Variants in WDR49 observed in about 807,000 individuals in gnomAD.
WDR49 encodes WD repeat domain 49, also known as cilia- and flagella-associated protein 337.
In WDR49, 107 loss-of-function variants were observed where a neutral mutation model predicts 119.5. The ratio of observed to expected loss-of-function variants is 0.90; its 90% CI spans 0.77 to 1.05. The LOEUF (loss-of-function observed/expected upper bound fraction) is 1.05. Among genes scored for constraint, WDR49 ranks in the 50% least tolerant of loss-of-function variants. The pLI is 0.00. For synonymous variants in WDR49, 425 were observed against 418.8 expected (o/e 1.01, Z -0.18); for missense variants, 1,240 against 1,220.5 (o/e 1.02, Z -0.24).
chr3:167,618,687 C>A lies in WDR49; in HGVS notation c.958+1742G>T, dbSNP rs150769348. ...ATTCCTACTTTGCAGTGATTTAAGGCCAGACTGTGAAACTGTGAAATCGGA... is the reference window on the plus strand; with the variant it reads ...ATTCCTACTTTGCAGTGATTTAAGGACAGACTGTGAAACTGTGAAATCGGA... On this transcript the variant is annotated intron_variant, in intron 5 of 18. Coordinates refer to ENST00000682715, the MANE Select transcript of WDR49 (RefSeq NM_001366157.1). Among the ~76,000 whole-genome samples the A allele has an allele frequency of 2.3e-3, 347 of 152,214 alleles. 1 individual carries two copies. The highest frequency in any genetic ancestry group is 7.8e-3 in the African/African-American group (324 of 41,532).
At chr3:167,652,250 T>A (rs2108349983) in intron 2 of WDR49, among the ~76,000 whole-genome samples, 1 of 152,322 alleles carries the variant, frequency 6.6e-6, no homozygotes, top group East Asian at 1.9e-4. Context: ...GGACATTAAT[T>A]TATCAATACA....
At chr3:167,483,022 AGG>A (rs892758568) in intron 18 of WDR49, among the ~76,000 whole-genome samples, 9 of 152,190 alleles carry the variant, frequency 5.9e-5, no homozygotes, top group African/African-American at 2.2e-4. Context: ...GTGTGGTAGA[AGG>A]GGGGTAGGAG....
intron 5 of WDR49, among the ~76,000 whole-genome samples, chr3:167,619,407 A>G (rs957427464): frequency 5.3e-5 from 8 of 152,234 alleles, no homozygotes; most frequent in Non-Finnish European, 1.0e-4. Flanking sequence ...TGTTTTTCCT[A>G]CAATTAATAT....
At chr3:167,570,940 G>A (rs7627306) in intron 8 of WDR49, among the ~76,000 whole-genome samples, 4,857 of 151,614 alleles carry the variant, frequency 0.032, 283 homozygotes, top group African/African-American at 0.11. Flanking sequence ...GGAGGTTGAG[G>A]TAGGAACCCA....
intron 15 of WDR49, 146 bp downstream of exon 15, chr3:167,527,674 C>T (rs553321793): frequency 4.2e-5 from 33 of 786,928 alleles, no homozygotes; most frequent in Middle Eastern, 3.9e-4. Flanking sequence ...GGGCAAGAGT[C>T]GCCTGGAGCT....
Position 167,531,137 on chromosome 3 carries a change from T to G in WDR49, c.2196A>C (p.Ala732=). The G allele has an allele frequency of 6.2e-7, 1 of 1,612,128 alleles. No homozygotes were observed. The highest frequency in any genetic ancestry group is 8.5e-7 in the Non-Finnish European group (1 of 1,179,338). The stretch of plus-strand genomic sequence containing the variant: ...TACCTGTCACTGCAGTGTTTTTTCT[T>G]GCTTTAAGAAAGCAAAGTCTCATAA... The part of the protein sequence containing the change: ...NAVMRLCFLK[A]RKNTAVTGGA... Residue 732 remains alanine, a synonymous_variant, in exon 13 of 19, where the codon GCA becomes GCC. Transcript: ENST00000682715.
At chr3:167,553,215 T>G (rs556289573) in intron 10 of WDR49, among the ~76,000 whole-genome samples, 4 of 152,226 alleles carry the variant, frequency 2.6e-5, no homozygotes, top group African/African-American at 9.6e-5. Flanking sequence ...AATTCAATTT[T>G]CAATTTCAGC....
intron 16 of WDR49, among the ~76,000 whole-genome samples, chr3:167,510,523 A>G (rs1377621380): frequency 6.6e-6 from 1 of 152,066 alleles, no homozygotes; most frequent in Admixed American, 6.5e-5. Context: ...TCTCCATATC[A>G]ATTGTTAACT....
chr3:167,565,124 G>GA (rs1350854153), intron 8 of WDR49, among the ~76,000 whole-genome samples: 2 of 152,026 alleles, frequency 1.3e-5, no homozygotes, highest in Non-Finnish European at 1.5e-5. Context: ...TGATATCTCA[G>GA]AGTACAAGTA....
chr3:167,571,427 A>G (rs879768050), intron 8 of WDR49, among the ~76,000 whole-genome samples: 1 of 152,190 alleles, frequency 6.6e-6, no homozygotes, highest in African/African-American at 2.4e-5. Context: ...GATATTGCAT[A>G]TCCTTTAGCC....
rs554977564 is a variant in WDR49, at chr3:167,621,373, T to C, written c.783+94A>G. 2.5e-4 allele frequency: 307 copies of C among 1,247,736 alleles called. 3 individuals are homozygous for C. The East Asian group carries it at 7.9e-3, about 32-fold the overall frequency. The allele number at this position is 1,247,736 out of a possible 1,614,324, so 77.3% of individuals were successfully genotyped here. A position where few individuals can be genotyped will look rare whatever the true frequency, so the allele number is the denominator to read the frequency against. ...CATGTAATCCATAATGTAATTAAATTTGGAGGTCACACTCATTGCATTTTA... is the reference window on the plus strand; with the variant it reads ...CATGTAATCCATAATGTAATTAAATCTGGAGGTCACACTCATTGCATTTTA... On this transcript the variant is annotated intron_variant, in intron 4 of 18. Transcript: ENST00000682715.
intron 16 of WDR49, among the ~76,000 whole-genome samples, chr3:167,517,390 C>T (rs181145969): frequency 7.5e-4 from 114 of 152,132 alleles, no homozygotes; most frequent in African/African-American, 2.6e-3. Context: ...ATCTAATCTT[C>T]AACAAACCTG....
At chr3:167,592,741 T>C (rs1715207040) in intron 7 of WDR49, among the ~76,000 whole-genome samples, 1 of 152,130 alleles carries the variant, frequency 6.6e-6, no homozygotes, top group African/African-American at 2.4e-5. Context: ...CCAGATGATT[T>C]CTTATTGCTA....
intron 5 of WDR49, among the ~76,000 whole-genome samples, chr3:167,609,234 A>G (rs1716215489): frequency 6.6e-6 from 1 of 152,190 alleles, no homozygotes; most frequent in African/African-American, 2.4e-5. Context: ...AACAAAAATT[A>G]GATGAGCCCT....
At chr3:167,505,474 T>C in intron 16 of WDR49, 58 bp from the exon 17 acceptor site, 2 of 1,436,048 alleles carry the variant, frequency 1.4e-6, no homozygotes, top group Non-Finnish European at 1.8e-6. Flanking sequence ...GGAGAAACTC[T>C]TTCTGGCTAT....
At chr3:167,575,203 G>A in intron 8 of WDR49, 1 of 985,558 alleles carries the variant, frequency 1.0e-6, no homozygotes, top group Non-Finnish European at 1.2e-6. Flanking sequence ...CTCTGATGTT[G>A]CTTGCTCCCT....
At chr3:167,487,769 T>C (rs1213600020) in intron 18 of WDR49, among the ~76,000 whole-genome samples, 1 of 151,892 alleles carries the variant, frequency 6.6e-6, no homozygotes, top group African/African-American at 2.4e-5. Flanking sequence ...AAGAAACATA[T>C]GAAAATTACT....
At chr3:167,492,231 T>A (rs1751166519) in intron 18 of WDR49, among the ~76,000 whole-genome samples, 1 of 151,846 alleles carries the variant, frequency 6.6e-6, no homozygotes, top group South Asian at 2.1e-4. Flanking sequence ...CAATTTTAAA[T>A]GAAAATAATA....
intron 18 of WDR49, 101 bp downstream of exon 18, chr3:167,500,052 C>T: frequency 7.5e-7 from 1 of 1,330,598 alleles, no homozygotes; most frequent in Non-Finnish European, 9.9e-7. Flanking sequence ...CTGCAAACTA[C>T]AAGACAAACA....
Sources: gnomAD v4.1 joint callset for allele counts (sites outside exome capture counted in the v4.1 genomes callset) on GRCh38, gnomAD v4.1.1 for gene constraint, MANE v1.5 for transcripts, NCBI Gene and HGNC (gene_info 2026-07-23, HGNC 2026-07-21) for gene names.